The following ADSS1 variants were observed in gnomAD, a reference collection of about 807,000 sequenced individuals.
The protein encoded by ADSS1 is adenylosuccinate synthase 1.
ADSS1 carries 57 observed loss-of-function variants against 59.1 expected under a neutral mutation model. The ratio of observed to expected loss-of-function variants is 0.97; its 90% CI spans 0.78 to 1.20. ADSS1 has a LOEUF of 1.20. ADSS1 is among the 50% of genes most tolerant of loss of function. The pLI, the probability that ADSS1 is intolerant of heterozygous loss-of-function variation, is 0.00. For missense variants in ADSS1, 603 were observed against 610.3 expected, an observed-to-expected ratio of 0.99 and a Z score of 0.13; for synonymous variants, 247 against 249.4, an observed-to-expected ratio of 0.99 and a Z score of 0.09.
chr14:104,730,199 C>G, intron 1 of ADSS1: 1 of 1,519,846 alleles, frequency 6.6e-7, no homozygotes. Context: ...ATCCTTAACA[C>G]CTGGAGGGGA....
chr14:104,730,670 C>T (rs988937561), intron 1 of ADSS1, among the ~76,000 whole-genome samples: 10 of 151,976 alleles, frequency 6.6e-5, no homozygotes, highest in African/African-American at 2.4e-4. Flanking sequence ...GGAGTGGCCC[C>T]GAGAGGTGCT....
At chr14:104,746,882 A>G in intron 12 of ADSS1, 69 bp from the exon 13 acceptor site, 1 of 1,530,082 alleles carries the variant, frequency 6.5e-7, no homozygotes, top group African/African-American at 1.4e-5. Context: ...AAGATACGAC[A>G]CTAAAGACAA....
chr14:104,736,003 C>T (rs1408216745), intron 2 of ADSS1, among the ~76,000 whole-genome samples: 1 of 152,202 alleles, frequency 6.6e-6, no homozygotes, highest in East Asian at 1.9e-4. Flanking sequence ...GGGTCAGGCG[C>T]CTCAGGTGTG....
intron 10 of ADSS1, among the ~76,000 whole-genome samples, chr14:104,744,151 T>C (rs1401636759): frequency 6.6e-6 from 1 of 151,642 alleles, no homozygotes; most frequent in Non-Finnish European, 1.5e-5. Context: ...CACAGGGCAG[T>C]GCTGGGCCCT....
At chr14:104,741,703 AG>A (rs1891364172) in intron 8 of ADSS1, 144 bp from the exon 9 acceptor site, 1 of 971,720 alleles carries the variant, frequency 1.0e-6, no homozygotes, top group African/African-American at 1.6e-5. Flanking sequence ...CCACTCCACC[AG>A]GACAGGCCAG....
intron 1 of ADSS1, among the ~76,000 whole-genome samples, chr14:104,727,240 T>G (rs1890740999): frequency 6.6e-6 from 1 of 152,164 alleles, no homozygotes; most frequent in African/African-American, 2.4e-5. Flanking sequence ...CCTCCCGCCT[T>G]GGGTCCACCT....
chr14:104,745,435 G>GT (rs1338129878), intron 11 of ADSS1: 1 of 155,994 alleles, frequency 6.4e-6, no homozygotes, highest in African/African-American at 2.4e-5. Flanking sequence ...ACAGGTTTCA[G>GT]TTTCGTGTGC....
chr14:104,724,835 C>T (rs990585892), intron 1 of ADSS1, among the ~76,000 whole-genome samples: 1 of 152,128 alleles, frequency 6.6e-6, no homozygotes, highest in Non-Finnish European at 1.5e-5. Flanking sequence ...GGTTTGAGGA[C>T]CCCCAAGACA....
At chr14:104,728,367 G>A (rs1022985371) in intron 1 of ADSS1, among the ~76,000 whole-genome samples, 3 of 152,158 alleles carry the variant, frequency 2.0e-5, no homozygotes, top group Non-Finnish European at 4.4e-5. Flanking sequence ...GTTACACACA[G>A]CCCTGCCTCA....
At chr14:104,730,308 A>C in intron 1 of ADSS1, 3 of 1,309,320 alleles carry the variant, frequency 2.3e-6, no homozygotes, top group Non-Finnish European at 1.0e-6. Flanking sequence ...AGCCTGGCCA[A>C]GTGAAACCCG....
In ADSS1 at chr14:104,746,335, C is replaced by G. The variant is rs528286643; in HGVS notation, c.1271C>G (p.Pro424Arg). 3.7e-6 allele frequency: 6 copies of G among 1,613,844 alleles called. 1 individual carries two copies. The highest frequency in any genetic ancestry group is 2.2e-5 in the East Asian group (1 of 44,888). ...TGARRWEDLP[P>R]QAQNYIRFVE... ...GCCAGGAGGTGGGAGGACCTGCCCC[C>G]ACAGGCCCAGAACTACATCCGCTTT... The change falls in exon 12 of 13, where the codon CCA becomes CGA. Residue 424 changes from proline to arginine, a missense_variant. Coordinates refer to ENST00000330877, the MANE Select transcript of ADSS1 (RefSeq NM_152328.5).
Position 104,746,231 on chromosome 14 carries a change from C to G in ADSS1, c.1172-5C>G, listed in dbSNP as rs909396598. ...CCCCACTCATCTCCTGTGTGCTTCCCCCAGCTAACCAGGAGATGCTTCAGA... is the reference window on the plus strand; with the variant it reads ...CCCCACTCATCTCCTGTGTGCTTCCGCCAGCTAACCAGGAGATGCTTCAGA... On this transcript the variant is annotated splice_polypyrimidine_tract_variant and splice_region_variant and intron_variant, in intron 11 of 12. Transcript: ENST00000330877. 7 of 1,604,372 alleles carry G rather than the reference C, an allele frequency of 4.4e-6. No homozygotes were observed. Among genetic ancestry groups the G allele is most frequent in the Non-Finnish European group, 6.0e-6 (7 of 1,172,714 alleles).
chr14:104,738,882 G>C (rs968862924), intron 3 of ADSS1, among the ~76,000 whole-genome samples: 1 of 152,224 alleles, frequency 6.6e-6, no homozygotes, highest in Non-Finnish European at 1.5e-5. Context: ...GAGTGGGTCT[G>C]GGAGGACGCT....
At chr14:104,734,571 C>T (rs1891048052) in intron 1 of ADSS1, among the ~76,000 whole-genome samples, 1 of 152,200 alleles carries the variant, frequency 6.6e-6, no homozygotes, top group South Asian at 2.1e-4. Flanking sequence ...CTCAGAATGG[C>T]TTTTTCTTTT....
At position 104,738,440 on chromosome 14, in the gene ADSS1, T is replaced by C; in HGVS notation, c.358+2T>C. 5.0e-6 allele frequency: 8 copies of C among 1,613,598 alleles called. No individual in the cohort carries two copies. The highest frequency in any genetic ancestry group is 6.8e-6 in the Non-Finnish European group (8 of 1,179,774). Reference sequence around the variant, plus strand: ...AAGCAGAGAAGAATGAAAAGAAAGGTAGGTCCAAGCTCCTGCAGACTTGCC... The same window carrying C: ...AAGCAGAGAAGAATGAAAAGAAAGGCAGGTCCAAGCTCCTGCAGACTTGCC... On this transcript the variant is annotated splice_donor_variant, in intron 3 of 12. Transcript: ENST00000330877. LOFTEE classifies it high-confidence loss of function.
At chr14:104,738,280 G>A (rs1420361152) in intron 2 of ADSS1, 96 bp from the exon 3 acceptor site, 3 of 1,336,234 alleles carry the variant, frequency 2.2e-6, no homozygotes, top group Non-Finnish European at 3.2e-6. Context: ...TTACAGGCAT[G>A]AGCCACCGCA....
rs1449853858 is a variant in ADSS1, at chr14:104,740,949, G to T, written c.666+29G>T. ...AAGTCGGGGCCGCAGTGTGGGGGCT[G>T]CGGAAGTGCTCCTCCAGGGAGGCTG... is the stretch of plus-strand genomic sequence containing the variant. On this transcript the variant is annotated intron_variant, in intron 7 of 12. Coordinates refer to ENST00000330877, the MANE Select transcript of ADSS1 (RefSeq NM_152328.5). This position sits in a 1 kb window ranked among gnomAD's most constrained non-coding sequence, Gnocchi z 4.8. 2 of 1,613,474 alleles carry T rather than the reference G, an allele frequency of 1.2e-6. No individual in the cohort carries two copies. The highest frequency in any genetic ancestry group is 1.3e-5 in the African/African-American group (1 of 74,934).
At chr14:104,742,943 C>A in intron 9 of ADSS1, 124 bp from the exon 10 acceptor site, 1 of 1,399,052 alleles carries the variant, frequency 7.1e-7, no homozygotes, top group Non-Finnish European at 9.8e-7. Flanking sequence ...TAAGGACTGT[C>A]GGTGGAGGCG....
intron 3 of ADSS1, among the ~76,000 whole-genome samples, chr14:104,739,123 G>A (rs1047051207): frequency 3.3e-5 from 5 of 152,130 alleles, no homozygotes; most frequent in Middle Eastern, 3.2e-3. Context: ...GCGGGGTGGA[G>A]TGAGGGTCCG....
Sources: gnomAD v4.1 joint callset for allele counts (sites outside exome capture counted in the v4.1 genomes callset) on GRCh38, gnomAD v4.1.1 for gene constraint, Gnocchi (gnomAD v3.1) non-coding constraint, MANE v1.5 for transcripts, NCBI Gene and HGNC (gene_info 2026-07-23, HGNC 2026-07-21) for gene names.